The following COMMD3 variants were observed in gnomAD, a reference collection of about 807,000 sequenced individuals.
The protein encoded by COMMD3 is COMM domain-containing protein 3.
In COMMD3, 31 loss-of-function variants were observed where a neutral mutation model predicts 31.2. The ratio of observed to expected loss-of-function variants is 0.99; its 90% CI spans 0.75 to 1.34. COMMD3 has a LOEUF of 1.34. Ranked by LOEUF, COMMD3 falls within the 40% of genes most tolerant of loss-of-function variation. COMMD3 has a pLI of 0.00. For synonymous variants in COMMD3, 108 were observed against 87.3 expected, an observed-to-expected ratio of 1.24 and a Z score of -1.32; for missense variants, 274 against 236.9, an observed-to-expected ratio of 1.16 and a Z score of -1.03.
chr10:22,319,986 A>C lies in COMMD3; in HGVS notation c.576A>C (p.Ala192=). The C allele has an allele frequency of 6.2e-7, 1 of 1,614,092 alleles. No individual in the cohort carries two copies. The highest frequency in any genetic ancestry group is 8.5e-7 in the Non-Finnish European group (1 of 1,179,934). ...ATGCTTCGAAAAGCCTGGAAAGAGC[A>C]ACTCAGTTGTAACTTGGGGAAGTTA... is the stretch of plus-strand genomic sequence containing the variant. The part of the protein sequence containing the change: ...LKDASKSLER[A]TQL Residue 192 remains alanine, a synonymous_variant, in exon 8 of 8, where the codon GCA becomes GCC. Coordinates refer to ENST00000376836, the MANE Select transcript of COMMD3 (RefSeq NM_012071.4).
In COMMD3 at chr10:22,319,136, T is replaced by C. The variant is rs149621226; in HGVS notation, c.528+118T>C. 201 of 1,192,886 alleles carry C rather than the reference T, an allele frequency of 1.7e-4. 1 individual carries two copies. The East Asian group carries it at 3.0e-3, about 18-fold the overall frequency. 73.9% of individuals were successfully genotyped at this position (1,192,886 alleles called of 1,614,324 possible). A position where few individuals can be genotyped will look rare whatever the true frequency, so the allele number is the denominator to read the frequency against. ...ACCATTTGTCAGCAGATAATGAAGA[T>C]TGGTTAAGGATTTAATGGGAAAGGG... On this transcript the variant is annotated intron_variant, in intron 7 of 7. Coordinates refer to ENST00000376836, the MANE Select transcript of COMMD3 (RefSeq NM_012071.4).
chr10:22,319,866 C>A (rs186281665), intron 7 of COMMD3, 73 bp from the exon 8 acceptor site: 2 of 1,559,608 alleles, frequency 1.3e-6, no homozygotes, highest in Admixed American at 1.8e-5. Context: ...TTTTTTCTTG[C>A]ATCTTTCTTG....
Position 22,318,791 on chromosome 10 carries a change from G to T in COMMD3, c.412-15G>T. The T allele has an allele frequency of 1.2e-6, 2 of 1,613,930 alleles. No individual in the cohort carries two copies. Among genetic ancestry groups the T allele is most frequent in the African/African-American group, 1.3e-5 (1 of 75,024 alleles). On this transcript the variant is annotated splice_polypyrimidine_tract_variant and intron_variant, in intron 5 of 7. Coordinates refer to ENST00000376836, the MANE Select transcript of COMMD3 (RefSeq NM_012071.4). The stretch of plus-strand genomic sequence containing the variant: ...TAGAGTTAAAAGCTGTTGCGTGTTT[G>T]TTGTGTTATTTTAGACCAATCAACT...
Position 22,320,245 on chromosome 10 carries a change from G to C in COMMD3, c.*247G>C, listed in dbSNP as rs1470849501. ...TTTATCCTATTTTGATCTTTTTCAA[G>C]TCTTCTGAAAGGAAGTAGACAGTAT... On this transcript the variant is annotated 3_prime_UTR_variant, in exon 8 of 8. Transcript: ENST00000376836. 1 of 1,056,434 alleles carries C rather than the reference G, an allele frequency of 9.5e-7. No homozygotes were observed. Among genetic ancestry groups the C allele is most frequent in the East Asian group, 3.1e-5 (1 of 32,696 alleles). The allele number at this position is 1,056,434 out of a possible 1,614,324, so 65.4% of individuals were successfully genotyped here.
intron 4 of COMMD3, 74 bp from the exon 5 acceptor site, chr10:22,318,579 A>G: frequency 1.5e-6 from 2 of 1,359,708 alleles, no homozygotes; most frequent in Non-Finnish European, 2.1e-6. Context: ...AAGTAGAGCC[A>G]TTCTTAGTAA....
Position 22,318,310 on chromosome 10 carries a change from G to T in COMMD3, c.350+4G>T. ...CCCTAGAAATCCTACTGGGAAGGTA[G>T]GTACTGTATAAGGTGTCAAGCTGAG... On this transcript the variant is annotated splice_donor_region_variant and intron_variant, in intron 4 of 7. Coordinates refer to ENST00000376836, the MANE Select transcript of COMMD3 (RefSeq NM_012071.4). The T allele has an allele frequency of 6.2e-7, 1 of 1,602,008 alleles. No homozygotes were observed. The highest frequency in any genetic ancestry group is 1.1e-5 in the South Asian group (1 of 87,850).
chr10:22,317,963 A>G lies in COMMD3; in HGVS notation c.219A>G (p.Ala73=). 1 of 1,614,050 alleles carries G rather than the reference A, an allele frequency of 6.2e-7. No homozygotes were observed. The highest frequency in any genetic ancestry group is 8.5e-7 in the Non-Finnish European group (1 of 1,179,948). ...HAAAATYILE[A]GKHRADKSTL... ...CAGCTGCAACTTACATACTAGAGGC[A>G]GGAAAGCACCGAGCTGACAAGTCAA... Residue 73 remains alanine, a synonymous_variant, in exon 2 of 8, where the codon GCA becomes GCG. Transcript: ENST00000376836.
rs1835939099 is a variant in COMMD3 at position 22,320,131 on chromosome 10, C to T, written c.*133C>T. Reference sequence around the variant, plus strand: ...ATTTTCCTTTTGAATTTATACCATTCATCAATTTTGACACTTTAAAAACGT... The same window carrying T: ...ATTTTCCTTTTGAATTTATACCATTTATCAATTTTGACACTTTAAAAACGT... On this transcript the variant is annotated 3_prime_UTR_variant, in exon 8 of 8. Transcript: ENST00000376836. The T allele has an allele frequency of 6.4e-7, 1 of 1,560,542 alleles. No homozygotes were observed. The highest frequency in any genetic ancestry group is 8.7e-7 in the Non-Finnish European group (1 of 1,151,842).
chr10:22,317,572 A>G lies in COMMD3; in HGVS notation c.140-312A>G, dbSNP rs553855697. ...AATATTTATCTTGTTTTTCCTTTGAATTTACTCCAGTGTTAGAATGACCAT... is the reference window on the plus strand; with the variant it reads ...AATATTTATCTTGTTTTTCCTTTGAGTTTACTCCAGTGTTAGAATGACCAT... On this transcript the variant is annotated intron_variant, in intron 1 of 7. Transcript: ENST00000376836. 135 of 195,666 alleles carry G rather than the reference A, an allele frequency of 6.9e-4. 1 individual carries two copies. The highest frequency in any genetic ancestry group is 1.2e-3 in the Non-Finnish European group (117 of 94,398). 12.1% of individuals were successfully genotyped at this position (195,666 alleles called of 1,614,324 possible).
In COMMD3 at chr10:22,319,024, G is replaced by A. The variant is rs749341018; in HGVS notation, c.528+6G>A. ...GCAGCATGGAACAATTACAGGTACA[G>A]TATTAGGATCTATAAATATTCCTGT... On this transcript the variant is annotated splice_donor_region_variant and intron_variant, in intron 7 of 7. Transcript: ENST00000376836. 3.3e-5 allele frequency: 52 copies of A among 1,592,534 alleles called. No individual in the cohort carries two copies. The highest frequency in any genetic ancestry group is 3.4e-4 in the Middle Eastern group (2 of 5,964).
In COMMD3 at chr10:22,319,959, A is replaced by G. The variant is rs1304320035; in HGVS notation, c.549A>G (p.Lys183=). Residue 183 remains lysine, a synonymous_variant, in exon 8 of 8, where the codon AAA becomes AAG. Transcript: ENST00000376836. The part of the protein sequence containing the change: ...EQLQDLVGKL[K]DASKSLERAT... ...TTTAGGACTTGGTGGGGAAACTTAA[A>G]GATGCTTCGAAAAGCCTGGAAAGAG... 1.2e-6 allele frequency: 2 copies of G among 1,614,132 alleles called. No homozygotes were observed. Among genetic ancestry groups the G allele is most frequent in the Non-Finnish European group, 1.7e-6 (2 of 1,179,996 alleles).
At chr10:22,318,773 A>G (rs749913239) in intron 5 of COMMD3, 33 bp from the exon 6 acceptor site, 31 of 1,613,656 alleles carry the variant, frequency 1.9e-5, no homozygotes, top group Non-Finnish European at 2.5e-5. Flanking sequence ...ACCTAGAGTT[A>G]AAAGCTGTTG....
intron 7 of COMMD3, chr10:22,319,308 C>A: frequency 3.5e-6 from 1 of 282,566 alleles, no homozygotes; most frequent in Non-Finnish European, 6.5e-6. Flanking sequence ...TGAGTTTGGT[C>A]CAATAAGATA....
chr10:22,319,801 T>TCA (rs1264752754), intron 7 of COMMD3, 138 bp from the exon 8 acceptor site: 1 of 1,099,116 alleles, frequency 9.1e-7, no homozygotes, highest in African/African-American at 1.6e-5. Flanking sequence ...TAGTAGTTTG[T>TCA]CAAAAGTTAA....
chr10:22,316,518 A>G lies in COMMD3; in HGVS notation c.101A>G (p.Gln34Arg). The change falls in exon 1 of 8, where the codon CAG (glutamine) becomes CGG (arginine). Residue 34 changes from glutamine to arginine, a missense_variant. By Grantham distance (43) the Gln-to-Arg change is conservative. Coordinates refer to ENST00000376836, the MANE Select transcript of COMMD3 (RefSeq NM_012071.4). ...AFTLLLRAAFQSLLDAQADEA... is the reference protein window; with the variant it reads ...AFTLLLRAAFRSLLDAQADEA... ...ACGCTTCTCCTCCGGGCGGCATTCC[A>G]GAGTCTGCTGGACGCCCAGGCGGAC... The G allele has an allele frequency of 6.5e-7, 1 of 1,549,956 alleles. No individual in the cohort carries two copies.
At chr10:22,318,429 A>G (rs1460402438) in intron 4 of COMMD3, 123 bp downstream of exon 4, 3 of 1,358,408 alleles carry the variant, frequency 2.2e-6, no homozygotes, top group Non-Finnish European at 3.0e-6. Flanking sequence ...AGGGCATGTC[A>G]AGCAATTGAA....
intron 1 of COMMD3, among the ~76,000 whole-genome samples, chr10:22,317,137 A>C (rs1305791630): frequency 6.6e-6 from 1 of 152,186 alleles, no homozygotes; most frequent in Non-Finnish European, 1.5e-5. Flanking sequence ...CCCAGTTACC[A>C]GGATGCGAGT....
chr10:22,319,613 T>C (rs572872276), intron 7 of COMMD3: 1 of 176,968 alleles, frequency 5.7e-6, no homozygotes, highest in African/African-American at 2.4e-5. Context: ...AATGTAACTA[T>C]GAATCAAACT....
Position 22,318,137 on chromosome 10 carries a change from A to C in COMMD3, c.284A>C (p.Glu95Ala). 1 of 1,613,084 alleles carries C rather than the reference A, an allele frequency of 6.2e-7. No homozygotes were observed. Among genetic ancestry groups the C allele is most frequent in the Non-Finnish European group, 8.5e-7 (1 of 1,179,794 alleles). Reference sequence around the variant, plus strand: ...CTAGAAGACTGTAAATTTGACAGAGAGCGAATAGAACTGTTTTGCACGGAA... The same window carrying C: ...CTAGAAGACTGTAAATTTGACAGAGCGCGAATAGAACTGTTTTGCACGGAA... ...TYLEDCKFDR[E>A]RIELFCTEYQ... is the part of the protein sequence containing the mutation. Residue 95 changes from glutamate (E) to alanine (A), a missense_variant, in exon 3 of 8, where the codon GAG becomes GCG. By Grantham distance (107) the Glu-to-Ala change is moderately radical (BLOSUM62 -1). Transcript: ENST00000376836.
Sources: allele counts gnomAD v4.1 joint callset (sites outside exome capture counted in the v4.1 genomes callset), GRCh38; gene constraint gnomAD v4.1.1; transcripts MANE v1.5; gene names NCBI Gene and HGNC (gene_info 2026-07-23, HGNC 2026-07-21).